Variants in PLEKHM2 observed in about 807,000 individuals in gnomAD.
The protein encoded by PLEKHM2 is pleckstrin homology and RUN domain containing M2, also known as pleckstrin homology domain-containing family M member 2.
Under a neutral mutation model 116.3 loss-of-function variants are expected in PLEKHM2, and 77 were observed. That is an observed-to-expected ratio of 0.66 (90% CI 0.55 to 0.80). PLEKHM2 has a LOEUF of 0.80. Among genes scored for constraint, PLEKHM2 ranks in the 30% least tolerant of loss-of-function variants. The pLI, the probability that PLEKHM2 is intolerant of heterozygous loss-of-function variation, is 0.00. For missense variants in PLEKHM2, 1,183 were observed against 1,354.9 expected, an observed-to-expected ratio of 0.87 and a Z score of 1.99; for synonymous variants, 562 against 571.0, an observed-to-expected ratio of 0.98 and a Z score of 0.22.
At position 15,708,269 on chromosome 1, in the gene PLEKHM2, T is replaced by C. The variant is rs994622029; in HGVS notation, c.61-7968T>C. ...GTCTCGCTCTGTCGCCAGGCTGGAG[T>C]GCAGTGGCACGATCTCAGCTCATTG... On this transcript the variant is annotated intron_variant, in intron 1 of 19. Coordinates refer to ENST00000375799, the MANE Select transcript of PLEKHM2 (RefSeq NM_015164.4). Among the ~76,000 whole-genome samples, 17 of 151,874 alleles carry C rather than the reference T, an allele frequency of 1.1e-4. 1 individual carries two copies. The highest frequency in any genetic ancestry group is 4.1e-4 in the African/African-American group (17 of 41,392).
intron 3 of PLEKHM2, among the ~76,000 whole-genome samples, chr1:15,717,338 C>A (rs1402332631): frequency 6.6e-6 from 1 of 152,126 alleles, no homozygotes; most frequent in Non-Finnish European, 1.5e-5. Context: ...CCCTTGAGCC[C>A]AGGAATTTAA....
chr1:15,710,063 A>C (rs139459290), intron 1 of PLEKHM2, among the ~76,000 whole-genome samples: 1 of 151,472 alleles, frequency 6.6e-6, no homozygotes, highest in African/African-American at 2.4e-5. Flanking sequence ...TCTCCACTAA[A>C]AAAAATACAA....
chr1:15,686,946 A>G (rs1260072830), intron 1 of PLEKHM2, among the ~76,000 whole-genome samples: 4 of 151,672 alleles, frequency 2.6e-5, no homozygotes, highest in Non-Finnish European at 5.9e-5. Context: ...CACGGCGCCC[A>G]GCGTCTAATT....
rs1640723184 is a variant in PLEKHM2, at chr1:15,684,545, A to C, written c.-14A>C. 1 of 1,209,502 alleles carries C rather than the reference A, an allele frequency of 8.3e-7. No individual in the cohort carries two copies. The highest frequency in any genetic ancestry group is 1.0e-6 in the Non-Finnish European group (1 of 958,476). The allele number at this position is 1,209,502 out of a possible 1,614,324, so 74.9% of individuals were successfully genotyped here. A position where few individuals can be genotyped will look rare whatever the true frequency, so the allele number is the denominator to read the frequency against. The stretch of plus-strand genomic sequence containing the variant: ...GGCGGTGGCGGTGGCGGTGGCGGCG[A>C]CGGTGGCAGCGCCATGGAGCCGGGG... On this transcript the variant is annotated 5_prime_UTR_variant, in exon 1 of 20. Transcript: ENST00000375799.
chr1:15,732,084 G>T, intron 17 of PLEKHM2, 36 bp downstream of exon 17: 1 of 1,592,936 alleles, frequency 6.3e-7, no homozygotes, highest in Non-Finnish European at 8.6e-7. Flanking sequence ...CACCTGGCTT[G>T]CCTGACCCAC....
intron 17 of PLEKHM2, 88 bp from the exon 18 acceptor site, chr1:15,732,262 A>G: frequency 8.5e-7 from 1 of 1,178,088 alleles, no homozygotes; most frequent in Non-Finnish European, 1.2e-6. Context: ...GGGAGAGCAG[A>G]AGGGCTGGCT....
rs889097523 is a variant in PLEKHM2 at position 15,721,146 on chromosome 1, G to C, written c.653-183G>C. 5.9e-5 allele frequency among the ~76,000 whole-genome samples: 9 copies of C among 152,202 alleles called. No individual in the cohort carries two copies. Among genetic ancestry groups the C allele is most frequent in the African/African-American group, 2.2e-4 (9 of 41,448 alleles). On this transcript the variant is annotated intron_variant, in intron 6 of 19. Transcript: ENST00000375799. This position sits in a 1 kb window ranked among gnomAD's most constrained non-coding sequence, Gnocchi z 5.1. ...GTTGGAGGCTCCTGGGCCAGCGCCT[G>C]AGCTGAGAGGCAGTCAGGGCCCTAG...
Position 15,728,734 on chromosome 1 carries a change from G to A in PLEKHM2, c.1986+1G>A. 1 of 1,607,152 alleles carries A rather than the reference G, an allele frequency of 6.2e-7. No homozygotes were observed. The highest frequency in any genetic ancestry group is 8.5e-7 in the Non-Finnish European group (1 of 1,176,710). On this transcript the variant is annotated splice_donor_variant, in intron 12 of 19. Coordinates refer to ENST00000375799, the MANE Select transcript of PLEKHM2 (RefSeq NM_015164.4). LOFTEE classifies it high-confidence loss of function. The surrounding 1 kb of genome is among the most constrained non-coding windows in gnomAD (Gnocchi z 5.9). ...TTACAATGAACTTGACTATGTGTCG[G>A]TGAGTCCAGGCCCCGCAGTTGTGCG...
At chr1:15,689,366 T>C (rs1248595510) in intron 1 of PLEKHM2, among the ~76,000 whole-genome samples, 1 of 151,956 alleles carries the variant, frequency 6.6e-6, no homozygotes, top group African/African-American at 2.4e-5. Context: ...TTCCAGATGG[T>C]CTTCCGAGGA....
intron 1 of PLEKHM2, among the ~76,000 whole-genome samples, chr1:15,696,266 C>T (rs1640993633): frequency 6.6e-6 from 1 of 152,168 alleles, no homozygotes; most frequent in African/African-American, 2.4e-5. Flanking sequence ...TGGTGTTGGT[C>T]TTGAAGTAAC....
chr1:15,698,466 A>G (rs1483406792), intron 1 of PLEKHM2, among the ~76,000 whole-genome samples: 1 of 151,688 alleles, frequency 6.6e-6, no homozygotes, highest in Non-Finnish European at 1.5e-5. Flanking sequence ...TGGGCTCCCA[A>G]AATGCTGGGA....
chr1:15,715,533 C>T (rs66505071), intron 1 of PLEKHM2, among the ~76,000 whole-genome samples: 33,645 of 151,942 alleles, frequency 0.22, 4,239 homozygotes, highest in African/African-American at 0.33. Flanking sequence ...CCCAGCTACT[C>T]GGGAGGCTGA....
intron 1 of PLEKHM2, among the ~76,000 whole-genome samples, chr1:15,697,864 C>G (rs1055615151): frequency 6.6e-6 from 1 of 151,980 alleles, no homozygotes; most frequent in African/African-American, 2.4e-5. Flanking sequence ...TCACCCCCTG[C>G]ATATCTTTCA....
At chr1:15,702,542 A>C (rs1238105713) in intron 1 of PLEKHM2, among the ~76,000 whole-genome samples, 1 of 151,960 alleles carries the variant, frequency 6.6e-6, no homozygotes, top group Non-Finnish European at 1.5e-5. Flanking sequence ...CAGCCTCCCA[A>C]GTAGCTGGGA....
intron 1 of PLEKHM2, among the ~76,000 whole-genome samples, chr1:15,712,518 A>G (rs1247641313): frequency 1.3e-5 from 2 of 152,264 alleles, no homozygotes; most frequent in Admixed American, 6.5e-5. Flanking sequence ...TGCTATGTCC[A>G]GGAACTGGAT....
chr1:15,708,615 G>A (rs1160269922), intron 1 of PLEKHM2, among the ~76,000 whole-genome samples: 2 of 152,138 alleles, frequency 1.3e-5, no homozygotes, highest in African/African-American at 4.8e-5. Flanking sequence ...TAGAGATGGG[G>A]TCTTGCTATA....
intron 1 of PLEKHM2, among the ~76,000 whole-genome samples, chr1:15,699,871 A>G (rs576857877): frequency 6.6e-6 from 1 of 151,676 alleles, no homozygotes; most frequent in African/African-American, 2.4e-5. Flanking sequence ...TCCCAGCTAC[A>G]TGGAAGGCTG....
At chr1:15,723,597 A>G (rs534955953) in intron 7 of PLEKHM2, among the ~76,000 whole-genome samples, 28 of 152,108 alleles carry the variant, frequency 1.8e-4, no homozygotes, top group African/African-American at 6.3e-4. Context: ...AAAATTAGCC[A>G]GGCTTGGTGG....
rs2068160012 is a variant in PLEKHM2, at chr1:15,732,492, C to T, written c.2768C>T (p.Ala923Val). 1.2e-6 allele frequency: 2 copies of T among 1,608,242 alleles called. No individual in the cohort carries two copies. Among genetic ancestry groups the T allele is most frequent in the Non-Finnish European group, 8.5e-7 (1 of 1,177,600 alleles). ...ACAGCCAAGCTGGGCGACATCAGCG[C>T]CGTCTCCACCGAGCCGGGCAAGGAG... ...LGTAKLGDIS[A>V]VSTEPGKEYC... Residue 923 changes from alanine (A) to valine (V), a missense_variant, in exon 18 of 20, where the codon GCC (alanine) becomes GTC (valine). By Grantham distance (64) the Ala-to-Val change is moderately conservative. Coordinates refer to ENST00000375799, the MANE Select transcript of PLEKHM2 (RefSeq NM_015164.4).
Sources: gnomAD v4.1 joint callset for allele counts (sites outside exome capture counted in the v4.1 genomes callset) on GRCh38, gnomAD v4.1.1 for gene constraint, Gnocchi (gnomAD v3.1) non-coding constraint, MANE v1.5 for transcripts, NCBI Gene and HGNC (gene_info 2026-07-23, HGNC 2026-07-21) for gene names.